Variants in ARHGEF4 observed in about 807,000 individuals in gnomAD.
ARHGEF4 encodes the protein Rho guanine nucleotide exchange factor 4.
In ARHGEF4, 119 loss-of-function variants were observed where a neutral mutation model predicts 162.0. The ratio of observed to expected loss-of-function variants is 0.73; its 90% CI spans 0.63 to 0.86. ARHGEF4 has a LOEUF of 0.86. ARHGEF4 is among the 40% of genes least tolerant of loss of function. The pLI, the probability that ARHGEF4 is intolerant of heterozygous loss-of-function variation, is 0.00. For missense variants in ARHGEF4, 2,488 were observed against 2,456.0 expected (o/e 1.01, Z -0.28); for synonymous variants, 1,014 against 979.9 (o/e 1.03, Z -0.65).
intron 3 of ARHGEF4, among the ~76,000 whole-genome samples, chr2:130,939,571 A>G (rs559161593): frequency 6.6e-6 from 1 of 152,216 alleles, no homozygotes; most frequent in Non-Finnish European, 1.5e-5. Context: ...TACACGTTCC[A>G]TGGCTAGTTC....
chr2:130,993,576 T>C (rs1687191136), intron 4 of ARHGEF4, among the ~76,000 whole-genome samples: 1 of 152,174 alleles, frequency 6.6e-6, no homozygotes, highest in African/African-American at 2.4e-5. Flanking sequence ...CTATTTGCTT[T>C]ATGTATTTAG....
At chr2:130,874,376 T>C (rs1164589130) in intron 1 of ARHGEF4, among the ~76,000 whole-genome samples, 1 of 152,236 alleles carries the variant, frequency 6.6e-6, no homozygotes, top group Non-Finnish European at 1.5e-5. Context: ...GTCATTCTGC[T>C]GACATGGCCA....
At chr2:130,904,152 C>T (rs1355077296) in intron 1 of ARHGEF4, among the ~76,000 whole-genome samples, 1 of 152,148 alleles carries the variant, frequency 6.6e-6, no homozygotes, top group Non-Finnish European at 1.5e-5. Flanking sequence ...GTAAGAGCTC[C>T]CTTTTCTCCA....
At position 130,915,785 on chromosome 2, in the gene ARHGEF4, C is replaced by T. The variant is rs1442742879; in HGVS notation, c.1839C>T (p.Gly613=). The change falls in exon 2 of 14, where the codon GGC becomes GGT. Residue 613 remains glycine (G), a synonymous_variant. Coordinates refer to ENST00000409359, the MANE Select transcript of ARHGEF4 (RefSeq NM_001367493.1). ...AACAGGGGCCTGGGGGTGCCGGGGG[C>T]CGGCAGCTGGAGCCCAAAGCAGGCG... ...EGEQGPGGAG[G]RQLEPKAGGE... 9 of 1,524,508 alleles carry T rather than the reference C, an allele frequency of 5.9e-6. No homozygotes were observed. Among genetic ancestry groups the T allele is most frequent in the East Asian group, 2.5e-5 (1 of 40,662 alleles). The allele number at this position is 1,524,508 out of a possible 1,614,324, so 94.4% of individuals were successfully genotyped here.
rs1680238262 is a variant in ARHGEF4, at chr2:130,836,977, C to T, written c.24C>T (p.Leu8=). MLSVVHF[L]RSFFKTPEPG... ...CCATGCTCAGCGTCGTGCACTTCCT[C>T]CGGAGCTTCTTCAAGGTGAGAGCCG... is the stretch of plus-strand genomic sequence containing the variant. The change falls in exon 1 of 14, where the codon CTC becomes CTT. Residue 8 remains leucine (L), a synonymous_variant. Transcript: ENST00000409359. The T allele has an allele frequency of 4.1e-6, 5 of 1,227,104 alleles. No individual in the cohort carries two copies. Among genetic ancestry groups the T allele is most frequent in the South Asian group, 8.2e-5 (2 of 24,294 alleles). 76.0% of individuals were successfully genotyped at this position (1,227,104 alleles called of 1,614,324 possible). A position where few individuals can be genotyped will look rare whatever the true frequency, so the allele number is the denominator to read the frequency against.
intron 1 of ARHGEF4, among the ~76,000 whole-genome samples, chr2:130,912,644 C>T (rs1229003050): frequency 6.6e-6 from 1 of 152,050 alleles, no homozygotes. Flanking sequence ...AAGGAGCCTT[C>T]GTGAGCAATG....
At chr2:130,849,857 A>T (rs1371046488) in intron 1 of ARHGEF4, among the ~76,000 whole-genome samples, 1 of 152,126 alleles carries the variant, frequency 6.6e-6, no homozygotes, top group Non-Finnish European at 1.5e-5. Flanking sequence ...GAGCCACCTT[A>T]CCCAGCCTAG....
rs202134743 is a variant in ARHGEF4, at chr2:131,046,175, C to G, written c.5617C>G (p.Pro1873Ala). 6.2e-7 allele frequency: 1 copy of G among 1,612,112 alleles called. No individual in the cohort carries two copies. The highest frequency in any genetic ancestry group is 1.1e-5 in the South Asian group (1 of 90,978). The change falls in exon 14 of 14, where the codon CCC becomes GCC. Residue 1873 changes from proline to alanine, a missense_variant. Physicochemically the swap from Pro to Ala is conservative, Grantham distance 27. Transcript: ENST00000409359. Reference sequence around the variant, plus strand: ...CTGGCACAGCATCAGCCGGCTGGCACCCTTCCGCAAGTGAACTGGTCCCTG... The same window carrying G: ...CTGGCACAGCATCAGCCGGCTGGCAGCCTTCCGCAAGTGAACTGGTCCCTG... Reference protein sequence around the residue: ...TFWHSISRLAPFRK With the variant: ...TFWHSISRLAAFRK
chr2:131,038,052 CA>C (rs1446062703), intron 5 of ARHGEF4, among the ~76,000 whole-genome samples: 1 of 152,160 alleles, frequency 6.6e-6, no homozygotes, highest in Non-Finnish European at 1.5e-5. Flanking sequence ...GGGATGGGAG[CA>C]GGGGTGCCAT....
chr2:130,913,850 C>T (rs995690671), intron 1 of ARHGEF4, 136 bp from the exon 2 acceptor site: 1 of 1,051,578 alleles, frequency 9.5e-7, no homozygotes, highest in African/African-American at 1.6e-5. Flanking sequence ...ATACTTACCT[C>T]CCTTCCTAGG....
At chr2:130,897,963 G>C (rs1680257648) in intron 1 of ARHGEF4, among the ~76,000 whole-genome samples, 1 of 152,194 alleles carries the variant, frequency 6.6e-6, no homozygotes, top group Non-Finnish European at 1.5e-5. Flanking sequence ...TTAGGTTTAA[G>C]CAACAAAACA....
chr2:130,905,627 T>G (rs1680768340), intron 1 of ARHGEF4, among the ~76,000 whole-genome samples: 1 of 152,150 alleles, frequency 6.6e-6, no homozygotes, highest in African/African-American at 2.4e-5. Flanking sequence ...TTCTGCAGTT[T>G]CAGTCACCCA....
chr2:130,932,074 C>A (rs1442995416), intron 3 of ARHGEF4, among the ~76,000 whole-genome samples: 2 of 152,174 alleles, frequency 1.3e-5, no homozygotes, highest in Non-Finnish European at 2.9e-5. Context: ...TTCCCCTCCC[C>A]AGACCCTGGA....
chr2:130,946,767 T>G, intron 4 of ARHGEF4, 132 bp downstream of exon 4: 74 of 1,269,752 alleles, frequency 5.8e-5, no homozygotes, highest in Non-Finnish European at 7.7e-5. Flanking sequence ...TAAACAATTG[T>G]CCTCTTCCTT....
intron 4 of ARHGEF4, among the ~76,000 whole-genome samples, chr2:130,989,776 G>T (rs1159769163): frequency 6.6e-6 from 1 of 152,184 alleles, no homozygotes; most frequent in African/African-American, 2.4e-5. Context: ...TGACGGCGGG[G>T]CCTGTGTTTG....
chr2:130,976,485 A>G (rs980695441), intron 4 of ARHGEF4, among the ~76,000 whole-genome samples: 4 of 152,160 alleles, frequency 2.6e-5, no homozygotes, highest in African/African-American at 9.6e-5. Context: ...ATGGGAAGAG[A>G]ATAGTTAGGC....
rs1226629728 is a variant in ARHGEF4 at position 130,964,195 on chromosome 2, C to G, written c.3985+17560C>G. 8.1e-6 allele frequency: 8 copies of G among 985,302 alleles called. No homozygotes were observed. The East Asian group carries it at 8.0e-4, about 98-fold the overall frequency. 61.0% of individuals were successfully genotyped at this position (985,302 alleles called of 1,614,324 possible). On this transcript the variant is annotated intron_variant, in intron 4 of 13. Transcript: ENST00000409359. The stretch of plus-strand genomic sequence containing the variant: ...CGGCCGCGGAGGCAACGGGGGCATG[C>G]GCGGCGCCGTGTCCCGCTCCTGGAG...
chr2:130,973,673 A>T (rs12996829), intron 4 of ARHGEF4, among the ~76,000 whole-genome samples: 2 of 152,118 alleles, frequency 1.3e-5, no homozygotes, highest in Non-Finnish European at 2.9e-5. Context: ...AATATTTACC[A>T]TTTTACCCAT....
intron 1 of ARHGEF4, among the ~76,000 whole-genome samples, chr2:130,907,881 G>A (rs1386625830): frequency 6.6e-6 from 1 of 151,140 alleles, no homozygotes; most frequent in Non-Finnish European, 1.5e-5. Context: ...GCTTGAAACT[G>A]GGAGGGCGGA....
Sources: gnomAD v4.1 joint callset for allele counts (sites outside exome capture counted in the v4.1 genomes callset) on GRCh38, gnomAD v4.1.1 for gene constraint, MANE v1.5 for transcripts, NCBI Gene and HGNC (gene_info 2026-07-23, HGNC 2026-07-21) for gene names.